The following F13A1 variants were observed in gnomAD, a reference collection of about 807,000 sequenced individuals.
The protein encoded by F13A1 is FSF, A subunit.
A neutral mutation model predicts 80.1 loss-of-function variants in F13A1; 47 were observed. The ratio of observed to expected loss-of-function variants is 0.59; its 90% CI spans 0.46 to 0.75. F13A1 has a LOEUF of 0.75. F13A1 is among the 30% of genes least tolerant of loss of function. The pLI, the probability that F13A1 is intolerant of heterozygous loss-of-function variation, is 0.00. For missense variants in F13A1, 817 were observed against 930.4 expected, an observed-to-expected ratio of 0.88 and a Z score of 1.59; for synonymous variants, 349 against 344.9, an observed-to-expected ratio of 1.01 and a Z score of -0.13.
At chr6:6,238,470 T>C (rs901673078) in intron 6 of F13A1, among the ~76,000 whole-genome samples, 3 of 152,132 alleles carry the variant, frequency 2.0e-5, no homozygotes, top group African/African-American at 4.8e-5. Flanking sequence ...AAAGTCTTCA[T>C]GTGGAAAGAA....
chr6:6,160,803 C>T (rs769036785), intron 13 of F13A1, among the ~76,000 whole-genome samples: 17 of 150,352 alleles, frequency 1.1e-4, no homozygotes, highest in Non-Finnish European at 1.9e-4. Context: ...ACAGAGCAAA[C>T]GCTTACTTTT....
intron 4 of F13A1, among the ~76,000 whole-genome samples, chr6:6,263,113 T>G (rs569330736): frequency 6.6e-6 from 1 of 152,346 alleles, no homozygotes; most frequent in African/African-American, 2.4e-5. Context: ...TCCGTCACCA[T>G]AAAATAACAC....
chr6:6,178,592 G>C (rs890125352), intron 11 of F13A1, among the ~76,000 whole-genome samples: 6 of 152,124 alleles, frequency 3.9e-5, no homozygotes, highest in African/African-American at 1.4e-4. Flanking sequence ...ACAGACATGG[G>C]GTGATGGTAC....
intron 3 of F13A1, among the ~76,000 whole-genome samples, chr6:6,282,149 T>C (rs1047132439): frequency 6.6e-6 from 1 of 152,170 alleles, no homozygotes; most frequent in Non-Finnish European, 1.5e-5. Flanking sequence ...TGAGCACACC[T>C]AGGATCTAGA....
At chr6:6,233,186 T>C (rs1209629631) in intron 6 of F13A1, among the ~76,000 whole-genome samples, 1 of 151,718 alleles carries the variant, frequency 6.6e-6, no homozygotes, top group Non-Finnish European at 1.5e-5. Context: ...AAAAGATAAA[T>C]AAAATTGATA....
At chr6:6,204,900 C>G (rs532064729) in intron 8 of F13A1, among the ~76,000 whole-genome samples, 10 of 152,278 alleles carry the variant, frequency 6.6e-5, no homozygotes, top group African/African-American at 2.2e-4. Context: ...ATGTCAAAGG[C>G]CAGCAGTCCA....
At chr6:6,274,357 G>C (rs1343796679) in intron 3 of F13A1, among the ~76,000 whole-genome samples, 2 of 152,178 alleles carry the variant, frequency 1.3e-5, no homozygotes, top group African/African-American at 4.8e-5. Context: ...AATTTTGTGG[G>C]ATATACATGA....
Position 6,305,423 on chromosome 6 carries a change from A to T in F13A1, c.247T>A (p.Phe83Ile). ...CGACTGAAGTCAATCTGCACATAGA[A>T]AGACTGCCCTCTGCGGACAATCAGC... The part of the protein sequence containing the change: ...NKLIVRRGQS[F>I]YVQIDFSRPY... The change falls in exon 3 of 15, where the codon TTC (phenylalanine) becomes ATC (isoleucine). Residue 83 changes from phenylalanine to isoleucine, a missense_variant. Physicochemically the swap from Phe to Ile is conservative, Grantham distance 21. Transcript: ENST00000264870. 6.2e-7 allele frequency: 1 copy of T among 1,614,224 alleles called. No individual in the cohort carries two copies. The highest frequency in any genetic ancestry group is 8.5e-7 in the Non-Finnish European group (1 of 1,180,042).
At chr6:6,157,963 C>T (rs972060554) in intron 13 of F13A1, among the ~76,000 whole-genome samples, 1 of 152,146 alleles carries the variant, frequency 6.6e-6, no homozygotes. Context: ...TGAACACCTT[C>T]GATGAGGAGG....
intron 13 of F13A1, among the ~76,000 whole-genome samples, chr6:6,152,859 A>G (rs866334358): frequency 1.3e-5 from 2 of 152,354 alleles, no homozygotes; most frequent in South Asian, 2.1e-4. Flanking sequence ...AGCTATGTAT[A>G]CCAAATGAAT....
chr6:6,305,431 C>T lies in F13A1; in HGVS notation c.239G>A (p.Gly80Glu). 6.2e-7 allele frequency: 1 copy of T among 1,614,188 alleles called. No individual in the cohort carries two copies. Among genetic ancestry groups the T allele is most frequent in the Non-Finnish European group, 8.5e-7 (1 of 1,180,032 alleles). Reference protein sequence around the residue: ...YENNKLIVRRGQSFYVQIDFS... With the variant: ...YENNKLIVRREQSFYVQIDFS... ...GTCAATCTGCACATAGAAAGACTGC[C>T]CTCTGCGGACAATCAGCTTGTTGTT... The change falls in exon 3 of 15, where the codon GGG (glycine) becomes GAG (glutamate). Residue 80 changes from glycine to glutamate, a missense_variant. By Grantham distance (98) the Gly-to-Glu change is moderately conservative. Transcript: ENST00000264870.
At chr6:6,161,522 G>T (rs920008760) in intron 13 of F13A1, among the ~76,000 whole-genome samples, 1 of 138,938 alleles carries the variant, frequency 7.2e-6, no homozygotes, top group Non-Finnish European at 1.5e-5. Context: ...TTCAGAGAGA[G>T]GATGTGTGTG....
At chr6:6,226,831 A>T (rs1173652378) in intron 6 of F13A1, among the ~76,000 whole-genome samples, 1 of 152,180 alleles carries the variant, frequency 6.6e-6, no homozygotes, top group African/African-American at 2.4e-5. Flanking sequence ...AATCAAGTGG[A>T]TGTAAAGATT....
At chr6:6,260,197 C>G (rs889750303) in intron 4 of F13A1, among the ~76,000 whole-genome samples, 2 of 152,192 alleles carry the variant, frequency 1.3e-5, no homozygotes, top group East Asian at 3.8e-4. Flanking sequence ...CCTGCCTTCA[C>G]TGATGTGGCA....
intron 14 of F13A1, among the ~76,000 whole-genome samples, chr6:6,151,605 G>A (rs575281750): frequency 2.6e-5 from 4 of 152,234 alleles, no homozygotes; most frequent in African/African-American, 9.6e-5. Flanking sequence ...TATCTACATC[G>A]TAGGGTGTCT....
At chr6:6,187,663 G>A (rs1489517008) in intron 10 of F13A1, among the ~76,000 whole-genome samples, 1 of 74,650 alleles carries the variant, frequency 1.3e-5, no homozygotes, top group Non-Finnish European at 2.6e-5. Flanking sequence ...TGTTCATCAA[G>A]GATATTGGTC....
chr6:6,216,267 C>A (rs1757086497), intron 8 of F13A1, among the ~76,000 whole-genome samples: 1 of 151,980 alleles, frequency 6.6e-6, no homozygotes, highest in Admixed American at 6.5e-5. Flanking sequence ...CACTACCTGA[C>A]TTCAAACTAT....
rs540836759 is a variant in F13A1, at chr6:6,171,655, T to G, written c.1747+2925A>C. On this transcript the variant is annotated intron_variant, in intron 12 of 14. Coordinates refer to ENST00000264870, the MANE Select transcript of F13A1 (RefSeq NM_000129.4). ...AGCAGCCAGTGGTCTTTTCAAAACCTAAGTTAGATTATGCCACATTTCTGC... is the reference window on the plus strand; with the variant it reads ...AGCAGCCAGTGGTCTTTTCAAAACCGAAGTTAGATTATGCCACATTTCTGC... 2.8e-3 allele frequency among the ~76,000 whole-genome samples: 433 copies of G among 152,346 alleles called. 4 individuals carry two copies. Among genetic ancestry groups the G allele is most frequent in the Admixed American group, 7.8e-3 (119 of 15,306 alleles).
At chr6:6,185,515 T>G (rs553590262) in intron 10 of F13A1, among the ~76,000 whole-genome samples, 1 of 151,820 alleles carries the variant, frequency 6.6e-6, no homozygotes, top group Non-Finnish European at 1.5e-5. Flanking sequence ...AATGATGATT[T>G]CCAATTTCAT....
Sources: allele counts gnomAD v4.1 joint callset (sites outside exome capture counted in the v4.1 genomes callset), GRCh38; gene constraint gnomAD v4.1.1; transcripts MANE v1.5; gene names NCBI Gene and HGNC (gene_info 2026-07-23, HGNC 2026-07-21).